The following ZNF254 variants were observed in gnomAD, a reference collection of about 807,000 sequenced individuals.
The protein encoded by ZNF254 is CTD-2017D11.1.
ZNF254 carries 10 observed loss-of-function variants against 12.4 expected under a neutral mutation model. The ratio of observed to expected loss-of-function variants is 0.80; its 90% CI spans 0.50 to 1.36. ZNF254 has a LOEUF of 1.36. ZNF254 is among the 40% of genes most tolerant of loss of function. The probability of loss-of-function intolerance (pLI) is 0.00; values close to 1 mark genes in which losing one functional copy is unlikely to be tolerated. For missense variants in ZNF254, 996 were observed against 763.9 expected, an observed-to-expected ratio of 1.30 and a Z score of -3.58; for synonymous variants, 305 against 253.4, an observed-to-expected ratio of 1.20 and a Z score of -1.93.
intron 2 of ZNF254, chr19:24,079,115 T>C (rs1213377216): frequency 6.6e-6 from 1 of 152,172 alleles, no homozygotes; most frequent in Non-Finnish European, 1.5e-5. Flanking sequence ...TAAAATACCA[T>C]ATGTTCAAGC....
chr19:24,062,486 C>G (rs1971114113), intron 2 of ZNF254, among the ~76,000 whole-genome samples: 1 of 152,182 alleles, frequency 6.6e-6, no homozygotes, highest in Non-Finnish European at 1.5e-5. Context: ...AATGTCATAC[C>G]TAGACTTGGG....
intron 1 of ZNF254, among the ~76,000 whole-genome samples, chr19:24,036,276 C>T (rs1969964873): frequency 6.6e-6 from 1 of 151,758 alleles, no homozygotes; most frequent in South Asian, 2.1e-4. Flanking sequence ...TCACCGTGGT[C>T]TTGATCTCCT....
chr19:24,127,142 T>A lies in ZNF254; in HGVS notation c.1142T>A (p.Leu381Ter), dbSNP rs1974923789. Residue 381 changes from leucine (L) to a stop codon, truncating the protein, a stop_gained, in exon 4 of 4, where the codon TTA becomes TAA. Transcript: ENST00000357002. LOFTEE classifies it low-confidence loss of function (END_TRUNC). ...ACTGGAGAGAAACGCTACAAATGCT[T>A]AGAATGTGGCAAAGCTTTTAAGCAA... ...IHTGEKRYKCLECGKAFKQLS... is the reference protein window; with the variant it reads ...IHTGEKRYKC The A allele has an allele frequency of 6.2e-7, 1 of 1,607,918 alleles. No homozygotes were observed. The highest frequency in any genetic ancestry group is 8.5e-7 in the Non-Finnish European group (1 of 1,178,040).
intron 3 of ZNF254, among the ~76,000 whole-genome samples, chr19:24,111,506 T>C (rs1393546830): frequency 2.6e-5 from 4 of 152,332 alleles, no homozygotes; most frequent in African/African-American, 9.6e-5. Context: ...TTTCTAGTTC[T>C]AGATCCCTGA....
chr19:24,093,971 C>T (rs964232195), intron 1 of ZNF254, among the ~76,000 whole-genome samples: 18 of 151,964 alleles, frequency 1.2e-4, no homozygotes, highest in African/African-American at 4.1e-4. Flanking sequence ...CATTGTTTTG[C>T]AATTCTTATA....
intron 2 of ZNF254, among the ~76,000 whole-genome samples, chr19:24,057,994 T>G (rs1474285610): frequency 6.6e-6 from 1 of 152,198 alleles, no homozygotes; most frequent in Non-Finnish European, 1.5e-5. Context: ...TGGCCCAGCC[T>G]ACAAATAGGA....
intron 2 of ZNF254, among the ~76,000 whole-genome samples, chr19:24,049,729 A>G (rs758950532): frequency 2.8e-4 from 43 of 152,084 alleles, no homozygotes; most frequent in Admixed American, 2.8e-3. Flanking sequence ...TGCCCTGCCC[A>G]TGTGGCCCAT....
chr19:24,061,035 C>T (rs1054458156), intron 2 of ZNF254, among the ~76,000 whole-genome samples: 2 of 152,132 alleles, frequency 1.3e-5, no homozygotes, highest in African/African-American at 2.4e-5. Flanking sequence ...GATTCTTCTC[C>T]ACTGCTTGGA....
chr19:24,108,468 C>G (rs1973469764), intron 3 of ZNF254, among the ~76,000 whole-genome samples: 1 of 152,318 alleles, frequency 6.6e-6, no homozygotes. Context: ...AGTTTCACAA[C>G]TCCTTTCCTG....
chr19:24,111,962 CATTTCTCA>C (rs1304959791), intron 3 of ZNF254, among the ~76,000 whole-genome samples: 5 of 152,002 alleles, frequency 3.3e-5, no homozygotes, highest in African/African-American at 1.2e-4. Context: ...AATTAGATCC[CATTTCTCA>C]ATTTTGGCTT....
At chr19:24,046,457 T>A (rs1309490423) in intron 2 of ZNF254, among the ~76,000 whole-genome samples, 1 of 149,052 alleles carries the variant, frequency 6.7e-6, no homozygotes, top group Non-Finnish European at 1.5e-5. Context: ...GACCAAGGCA[T>A]TCCACTGGTA....
chr19:24,064,160 C>T (rs1478065532), intron 2 of ZNF254, among the ~76,000 whole-genome samples: 1 of 152,044 alleles, frequency 6.6e-6, no homozygotes, highest in Non-Finnish European at 1.5e-5. Context: ...TTGTGATATG[C>T]CACGTGACAT....
chr19:24,111,449 G>A (rs980103600), intron 3 of ZNF254, among the ~76,000 whole-genome samples: 1 of 152,120 alleles, frequency 6.6e-6, no homozygotes, highest in African/African-American at 2.4e-5. Flanking sequence ...ATGATTTATA[G>A]TCCTTTGGGT....
chr19:24,037,993 C>T (rs56296652), intron 1 of ZNF254, among the ~76,000 whole-genome samples: 24,314 of 152,120 alleles, frequency 0.16, 2,122 homozygotes, highest in Middle Eastern at 0.23. Context: ...GTAATGCACC[C>T]GCCTCGGACT....
At chr19:24,112,852 C>G (rs1018695483) in intron 3 of ZNF254, among the ~76,000 whole-genome samples, 1 of 152,096 alleles carries the variant, frequency 6.6e-6, no homozygotes, top group African/African-American at 2.4e-5. Flanking sequence ...GGGAATATCA[C>G]CACTGATCCC....
intron 2 of ZNF254, among the ~76,000 whole-genome samples, chr19:24,051,167 T>C (rs1206369865): frequency 6.6e-6 from 1 of 152,042 alleles, no homozygotes; most frequent in African/African-American, 2.4e-5. Flanking sequence ...ATATAACTTT[T>C]ATTTTTTTGA....
At chr19:24,046,889 G>A (rs1368355564) in intron 2 of ZNF254, among the ~76,000 whole-genome samples, 1 of 144,352 alleles carries the variant, frequency 6.9e-6, no homozygotes, top group Non-Finnish European at 1.5e-5. Context: ...CCTTGAGATA[G>A]AGTCTTGCTC....
chr19:24,111,351 A>C (rs1441625400), intron 3 of ZNF254, among the ~76,000 whole-genome samples: 2 of 152,060 alleles, frequency 1.3e-5, no homozygotes, highest in Non-Finnish European at 2.9e-5. Context: ...CCAGTGTATC[A>C]TTGTTGGACA....
At chr19:24,049,431 C>G (rs1194370480) in intron 2 of ZNF254, 1 of 151,722 alleles carries the variant, frequency 6.6e-6, no homozygotes, top group Non-Finnish European at 1.5e-5. Flanking sequence ...CATCCCTGAA[C>G]ATTTCTGATG....
Sources: allele counts gnomAD v4.1 joint callset (sites outside exome capture counted in the v4.1 genomes callset), GRCh38; gene constraint gnomAD v4.1.1; transcripts MANE v1.5; gene names NCBI Gene and HGNC (gene_info 2026-07-23, HGNC 2026-07-21).